The following DCT variants were observed in gnomAD, a reference collection of about 807,000 sequenced individuals.
DCT encodes dopachrome tautomerase.
A neutral mutation model predicts 53.0 loss-of-function variants in DCT; 47 were observed. The observed-to-expected ratio is 0.89, with a 90% CI of 0.70 to 1.13. DCT has a LOEUF of 1.13. Among genes scored for constraint, DCT ranks in the 50% most tolerant of loss-of-function variants. The pLI, the probability that DCT is intolerant of heterozygous loss-of-function variation, is 0.00. For synonymous variants in DCT, 244 were observed against 237.0 expected (o/e 1.03, Z -0.27); for missense variants, 669 against 637.4 (o/e 1.05, Z -0.53).
chr13:94,513,987 C>CA, the DCT span, among the ~76,000 whole-genome samples: 3,139 of 52,748 alleles, frequency 0.06, 256 homozygotes, highest in African/African-American at 0.1. Flanking sequence ...AACTCTGTCT[C>CA]AAAAAAAAAA....
At chr13:94,540,639 C>T in the DCT span, among the ~76,000 whole-genome samples, 9 of 152,172 alleles carry the variant, frequency 5.9e-5, no homozygotes, top group South Asian at 8.3e-4. Context: ...TGTGTTTTAT[C>T]GAAAAGACAG....
At chr13:94,443,734 T>G in intron 6 of DCT, 97 bp from the exon 7 acceptor site, 1 of 1,004,578 alleles carries the variant, frequency 1.0e-6, no homozygotes. Context: ...AACTTCTTCT[T>G]GACATAGGAA....
the DCT span, among the ~76,000 whole-genome samples, chr13:94,544,245 TG>T: frequency 6.6e-6 from 1 of 152,148 alleles, no homozygotes; most frequent in African/African-American, 2.4e-5. Flanking sequence ...ACAAGTTTAA[TG>T]GGATTTTGTA....
At chr13:94,477,448 T>C (rs1408072168) in intron 1 of DCT, among the ~76,000 whole-genome samples, 1 of 138,424 alleles carries the variant, frequency 7.2e-6, no homozygotes, top group Non-Finnish European at 1.5e-5. Context: ...TGGGCACTCA[T>C]GGACATAAAG....
At chr13:94,522,951 A>G in the DCT span, among the ~76,000 whole-genome samples, 474 of 152,304 alleles carry the variant, frequency 3.1e-3, 2 homozygotes, top group African/African-American at 0.011. Context: ...TGACGGTGTT[A>G]GCATACGTGT....
chr13:94,499,571 G>A, the DCT span, among the ~76,000 whole-genome samples: 1 of 152,106 alleles, frequency 6.6e-6, no homozygotes, highest in East Asian at 1.9e-4. Flanking sequence ...AAACCTGGCA[G>A]CATGAATTAG....
At chr13:94,441,441 C>T (rs1882306123) in intron 7 of DCT, among the ~76,000 whole-genome samples, 1 of 152,096 alleles carries the variant, frequency 6.6e-6, no homozygotes, top group Non-Finnish European at 1.5e-5. Flanking sequence ...CATTGTTGTG[C>T]GACCATCGCC....
At position 94,479,206 on chromosome 13, in the gene DCT, A is replaced by G. The variant is rs1485711703; in HGVS notation, c.50T>C (p.Ile17Thr). ...GFLLSCLGCK[I>T]LPGAQGQFPR... ...GAACTGACCCTGGGCTCCTGGCAGG[A>G]TTTTGCAGCCCAAGCAACTGAGCAG... is the stretch of plus-strand genomic sequence containing the variant. The change falls in exon 1 of 8, where the codon ATC (isoleucine) becomes ACC (threonine). Residue 17 changes from isoleucine to threonine, a missense_variant. Coordinates refer to ENST00000377028, the MANE Select transcript of DCT (RefSeq NM_001922.5). 3.7e-6 allele frequency: 6 copies of G among 1,607,842 alleles called. No homozygotes were observed. Among genetic ancestry groups the G allele is most frequent in the Non-Finnish European group, 5.1e-6 (6 of 1,174,870 alleles).
At chr13:94,455,369 G>A (rs979347502) in intron 6 of DCT, among the ~76,000 whole-genome samples, 11 of 140,294 alleles carry the variant, frequency 7.8e-5, no homozygotes, top group African/African-American at 2.7e-4. Context: ...GCAACAGAGA[G>A]AGACTGTCTC....
At chr13:94,528,138 G>A in the DCT span, among the ~76,000 whole-genome samples, 3 of 152,190 alleles carry the variant, frequency 2.0e-5, no homozygotes, top group Non-Finnish European at 2.9e-5. Flanking sequence ...ATGGGAATAT[G>A]TGAAAAGACC....
chr13:94,463,674 C>T (rs1883971765), intron 4 of DCT, among the ~76,000 whole-genome samples: 1 of 152,126 alleles, frequency 6.6e-6, no homozygotes, highest in Admixed American at 6.6e-5. Flanking sequence ...CAAGTGATCC[C>T]CCTGCCTTGG....
chr13:94,497,810 C>CA, the DCT span, among the ~76,000 whole-genome samples: 1,609 of 151,614 alleles, frequency 0.011, 35 homozygotes, highest in African/African-American at 0.037. Context: ...TAACTTTTAT[C>CA]AAAAAAAACT....
At chr13:94,483,939 A>G (rs919396344), upstream of DCT, among the ~76,000 whole-genome samples, 1 of 152,238 alleles carries the variant, frequency 6.6e-6, no homozygotes, top group African/African-American at 2.4e-5. Context: ...AAGATAACCG[A>G]AAAAGAATTA....
chr13:94,512,386 A>C, the DCT span, among the ~76,000 whole-genome samples: 1 of 152,250 alleles, frequency 6.6e-6, no homozygotes, highest in Non-Finnish European at 1.5e-5. Context: ...AGTAACAAAA[A>C]TAGTGCACAA....
chr13:94,518,051 T>C, the DCT span, among the ~76,000 whole-genome samples: 1 of 140,596 alleles, frequency 7.1e-6, no homozygotes, highest in African/African-American at 2.7e-5. Context: ...AAGACCAGTC[T>C]GGGCAATAAA....
the DCT span, among the ~76,000 whole-genome samples, chr13:94,545,272 C>T: frequency 6.6e-6 from 1 of 151,998 alleles, no homozygotes; most frequent in Non-Finnish European, 1.5e-5. Flanking sequence ...CCAAATGGGC[C>T]ATGGTCAGAC....
At chr13:94,476,195 T>C (rs1306701197) in intron 1 of DCT, among the ~76,000 whole-genome samples, 4 of 147,860 alleles carry the variant, frequency 2.7e-5, no homozygotes, top group African/African-American at 1.0e-4. Flanking sequence ...TTTTTTTTTT[T>C]TTTTTTTTTT....
At chr13:94,445,087 T>C (rs7992666) in intron 6 of DCT, among the ~76,000 whole-genome samples, 5,741 of 152,316 alleles carry the variant, frequency 0.038, 390 homozygotes, top group African/African-American at 0.13. Flanking sequence ...CATCTTTATT[T>C]ACATAAACAG....
intron 6 of DCT, chr13:94,445,807 C>T: frequency 1.4e-6 from 2 of 1,401,388 alleles, no homozygotes; most frequent in African/African-American, 1.4e-5. Flanking sequence ...GTAGTTCTTA[C>T]ATTCTCAGTG....
Sources: allele counts gnomAD v4.1 joint callset (sites outside exome capture counted in the v4.1 genomes callset), GRCh38; gene constraint gnomAD v4.1.1; transcripts MANE v1.5; gene names NCBI Gene and HGNC (gene_info 2026-07-23, HGNC 2026-07-21).